The following BAZ2B variants were observed in gnomAD, a reference collection of about 807,000 sequenced individuals.
BAZ2B encodes bromodomain adjacent to zinc finger domain protein 2B.
Under a neutral mutation model 246.0 loss-of-function variants are expected in BAZ2B, and 91 were observed. The observed-to-expected ratio is 0.37, with a 90% CI of 0.31 to 0.44. The LOEUF is 0.44. Ranked by LOEUF, BAZ2B falls within the 20% of genes least tolerant of loss-of-function variation. BAZ2B has a pLI of 1.00. For missense variants in BAZ2B, 2,332 were observed against 2,533.7 expected (o/e 0.92, Z 1.71); for synonymous variants, 855 against 860.0 (o/e 0.99, Z 0.10).
At chr2:159,572,748 C>A (rs921799748) in intron 1 of BAZ2B, among the ~76,000 whole-genome samples, 1 of 152,166 alleles carries the variant, frequency 6.6e-6, no homozygotes, top group African/African-American at 2.4e-5. Context: ...TAAGTACATG[C>A]TTTTAAACTA....
At position 159,445,037 on chromosome 2, in the gene BAZ2B, T is replaced by C. The variant is rs560340283; in HGVS notation, c.696+1745A>G. 9 of 152,282 alleles carry C rather than the reference T, an allele frequency of 5.9e-5. No homozygotes were observed. The South Asian group carries it at 1.9e-3, about 32-fold the overall frequency. 9.4% of individuals were successfully genotyped at this position (152,282 alleles called of 1,614,324 possible). On this transcript the variant is annotated intron_variant, in intron 6 of 36. Coordinates refer to ENST00000392783, the MANE Select transcript of BAZ2B (RefSeq NM_013450.4). The stretch of plus-strand genomic sequence containing the variant: ...TTAGAGGCTTCTCAGCTTACTTAGT[T>C]AGATAAATGAAACCTGGACTCAATG...
Position 159,347,635 on chromosome 2 carries a change from C to T in BAZ2B, c.5305G>A (p.Glu1769Lys). The T allele has an allele frequency of 6.2e-7, 1 of 1,603,940 alleles. No homozygotes were observed. The highest frequency in any genetic ancestry group is 8.5e-7 in the Non-Finnish European group (1 of 1,174,106). ...CLKNKDVAII[E>K]LNENEENQVT... The stretch of plus-strand genomic sequence containing the variant: ...TGGTTTTCTTCATTTTCATTCAGTT[C>T]AATAATAGCAACTACATTTAAAAAG... The change falls in exon 31 of 37, where the codon GAA (glutamate) becomes AAA (lysine). Residue 1769 changes from glutamate (E) to lysine (K), a missense_variant. Physicochemically the swap from Glu to Lys is moderately conservative, Grantham distance 56. Transcript: ENST00000392783.
chr2:159,658,532 T>C, the BAZ2B span, among the ~76,000 whole-genome samples: 8 of 152,196 alleles, frequency 5.3e-5, no homozygotes, highest in East Asian at 1.4e-3. Flanking sequence ...TTTATACTTT[T>C]TTGGAGACAG....
At chr2:159,461,232 AT>A (rs2076371051) in intron 3 of BAZ2B, 1 of 152,464 alleles carries the variant, frequency 6.6e-6, no homozygotes, top group African/African-American at 2.4e-5. Context: ...ACTGTAAGCA[AT>A]GTAAATGAAT....
upstream of BAZ2B, among the ~76,000 whole-genome samples, chr2:159,619,644 T>C (rs1696353102): frequency 6.6e-6 from 1 of 151,836 alleles, no homozygotes; most frequent in South Asian, 2.1e-4. Flanking sequence ...TTAATCTGTA[T>C]TTTTAAACTG....
the BAZ2B span, among the ~76,000 whole-genome samples, chr2:159,676,917 T>C: frequency 8.7e-6 from 1 of 114,300 alleles, no homozygotes; most frequent in Non-Finnish European, 1.8e-5. Context: ...GTTACATAAG[T>C]GTTATAATTT....
At chr2:159,549,614 T>C (rs549569617) in intron 2 of BAZ2B, among the ~76,000 whole-genome samples, 2 of 151,994 alleles carry the variant, frequency 1.3e-5, no homozygotes, top group Admixed American at 6.5e-5. Context: ...AAAACAAAAA[T>C]CACAAAAAAA....
intron 1 of BAZ2B, among the ~76,000 whole-genome samples, chr2:159,566,036 A>G (rs1682487074): frequency 6.6e-6 from 1 of 151,992 alleles, no homozygotes; most frequent in Non-Finnish European, 1.5e-5. Context: ...TTTCAGAAGG[A>G]GTTTCGCTCT....
chr2:159,652,373 C>A, the BAZ2B span, among the ~76,000 whole-genome samples: 1 of 152,054 alleles, frequency 6.6e-6, no homozygotes, highest in Non-Finnish European at 1.5e-5. Flanking sequence ...CAACACCTGG[C>A]TAATTTTGTA....
At chr2:159,327,983 T>G (rs1167927465) in intron 34 of BAZ2B, among the ~76,000 whole-genome samples, 1 of 148,316 alleles carries the variant, frequency 6.7e-6, no homozygotes, top group African/African-American at 2.5e-5. Flanking sequence ...AAGAATCACT[T>G]GAACCTAGGA....
chr2:159,428,237 G>C, intron 12 of BAZ2B, 74 bp downstream of exon 12: 9 of 1,301,188 alleles, frequency 6.9e-6, no homozygotes, highest in Non-Finnish European at 9.8e-6. Context: ...TCTGAGAAAG[G>C]AGTACACTTT....
chr2:159,395,816 G>C lies in BAZ2B; in HGVS notation c.3028C>G (p.Gln1010Glu), dbSNP rs1314896084. Residue 1010 changes from glutamine (Q) to glutamate (E), a missense_variant, in exon 20 of 37, where the codon CAA (glutamine) becomes GAA (glutamate). Gln to Glu is a conservative substitution (Grantham distance 29). Transcript: ENST00000392783. The stretch of plus-strand genomic sequence containing the variant: ...ATAGCTTTCATAAGCATCATGTGTT[G>C]TCGCCTTCGCTCTCGTTCCTATTAG... Reference protein sequence around the residue: ...LKHQERERRRQHMMLMKAMEA... With the variant: ...LKHQERERRREHMMLMKAMEA... The C allele has an allele frequency of 6.2e-7, 1 of 1,611,474 alleles. No individual in the cohort carries two copies. Among genetic ancestry groups the C allele is most frequent in the African/African-American group, 1.3e-5 (1 of 74,794 alleles).
At chr2:159,376,632 C>G (rs73967859) in intron 25 of BAZ2B, among the ~76,000 whole-genome samples, 2,393 of 152,290 alleles carry the variant, frequency 0.016, 75 homozygotes, top group African/African-American at 0.055. Context: ...AAATGATCTT[C>G]TGATCAGCAG....
At chr2:159,436,909 A>G (rs1481078940) in intron 8 of BAZ2B, among the ~76,000 whole-genome samples, 1 of 152,228 alleles carries the variant, frequency 6.6e-6, no homozygotes, top group Non-Finnish European at 1.5e-5. Context: ...ATAACCTTTA[A>G]GAAAATAATG....
chr2:159,668,878 GA>G, the BAZ2B span, among the ~76,000 whole-genome samples: 1 of 152,020 alleles, frequency 6.6e-6, no homozygotes, highest in Non-Finnish European at 1.5e-5. Context: ...GCAACATGGC[GA>G]AACCCCATCT....
chr2:159,473,678 G>A (rs542230451), intron 3 of BAZ2B, among the ~76,000 whole-genome samples: 23 of 152,208 alleles, frequency 1.5e-4, no homozygotes, highest in South Asian at 4.1e-4. Context: ...GATCTTTCCC[G>A]CTTTCTTTTG....
chr2:159,428,123 A>T, intron 12 of BAZ2B, 81 bp from the exon 13 acceptor site: 1 of 1,326,078 alleles, frequency 7.5e-7, no homozygotes, highest in Non-Finnish European at 1.1e-6. Context: ...TCAGGACACT[A>T]ATGTTTTGCA....
Position 159,534,659 on chromosome 2 carries a change from C to T in BAZ2B, c.-3+21164G>A, listed in dbSNP as rs544109318. On this transcript the variant is annotated intron_variant, in intron 2 of 36. Transcript: ENST00000392783. ...TTTTTTTTTTTCTGAGACGGAGTCT[C>T]GCTCTGTCGCCAGGCTGGAGGGCAG... Among the ~76,000 whole-genome samples, 9 of 150,736 alleles carry T rather than the reference C, an allele frequency of 6.0e-5. No homozygotes were observed. The East Asian group carries it at 1.8e-3, about 29-fold the overall frequency.
At chr2:159,397,829 T>C (rs1396271612) in intron 18 of BAZ2B, among the ~76,000 whole-genome samples, 1 of 145,234 alleles carries the variant, frequency 6.9e-6, no homozygotes, top group Non-Finnish European at 1.5e-5. Flanking sequence ...ATATAAACTC[T>C]CAAATATACT....
Sources: allele counts gnomAD v4.1 joint callset (sites outside exome capture counted in the v4.1 genomes callset), GRCh38; gene constraint gnomAD v4.1.1; transcripts MANE v1.5; gene names NCBI Gene and HGNC (gene_info 2026-07-23, HGNC 2026-07-21).